Variants in ATXN2L observed in about 807,000 individuals in gnomAD.
ATXN2L encodes the protein ataxin-2-like protein.
Under a neutral mutation model 120.7 loss-of-function variants are expected in ATXN2L, and 24 were observed. That is an observed-to-expected ratio of 0.20 (90% CI 0.14 to 0.28). The LOEUF (loss-of-function observed/expected upper bound fraction) is 0.28. Ranked by LOEUF, ATXN2L falls within the 10% of genes least tolerant of loss-of-function variation. ATXN2L has a pLI of 1.00. For missense variants in ATXN2L, 1,312 were observed against 1,432.3 expected (o/e 0.92, Z 1.36); for synonymous variants, 653 against 568.1 (o/e 1.15, Z -2.13).
intron 1 of ATXN2L, chr16:28,824,598 AC>A (rs2051090528): frequency 1.6e-6 from 2 of 1,231,840 alleles, no homozygotes; most frequent in African/African-American, 3.1e-5. Context: ...TGGAGGGGAT[AC>A]CCCTCCTCCC....
chr16:28,824,124 C>T, intron 1 of ATXN2L: 1 of 1,022,194 alleles, frequency 9.8e-7, no homozygotes, highest in Non-Finnish European at 1.2e-6. Context: ...GGGCCGGGAG[C>T]CTCTGGCGCG....
chr16:28,831,553 C>T (rs1042904196), intron 10 of ATXN2L, among the ~76,000 whole-genome samples: 9 of 152,146 alleles, frequency 5.9e-5, no homozygotes, highest in African/African-American at 2.2e-4. Context: ...TGATCTCGAA[C>T]TCCTGACCTT....
intron 12 of ATXN2L, 49 bp downstream of exon 12, chr16:28,832,616 G>A (rs2054921286): frequency 6.3e-7 from 1 of 1,579,474 alleles, no homozygotes; most frequent in Non-Finnish European, 8.7e-7. Flanking sequence ...TTTGTCTGGG[G>A]GAGAGTATTT....
Position 28,824,377 on chromosome 16 carries a change from C to A in ATXN2L, c.299+819C>A. 3 of 1,247,374 alleles carry A rather than the reference C, an allele frequency of 2.4e-6. No homozygotes were observed. In the South Asian group the frequency reaches 4.0e-5, roughly 17 times the overall value. 77.3% of individuals were successfully genotyped at this position (1,247,374 alleles called of 1,614,324 possible). ...CTGGAGGTGGGGGTTCGGAAAGTCC[C>A]GTGGGTTTTAGTGCGCAGGCGCAGA... On this transcript the variant is annotated intron_variant, in intron 1 of 21. Transcript: ENST00000336783.
Position 28,826,368 on chromosome 16 carries a change from T to C in ATXN2L, c.594T>C (p.Val198=). 1.2e-6 allele frequency: 2 copies of C among 1,614,226 alleles called. No homozygotes were observed. The highest frequency in any genetic ancestry group is 1.7e-6 in the Non-Finnish European group (2 of 1,180,042). The change falls in exon 5 of 22, where the codon GTT becomes GTC. Residue 198 remains valine, a synonymous_variant. Transcript: ENST00000336783. ...SDVMLVHFRN[V]DFNYATKDKF... is the part of the protein sequence containing the mutation. ...TCATGCTTGTTCACTTCCGAAATGT[T>C]GACTTCAACTATGCTACTAAAGGTA...
At chr16:28,826,003 C>A in intron 4 of ATXN2L, 162 bp downstream of exon 4, 1 of 846,544 alleles carries the variant, frequency 1.2e-6, no homozygotes, top group Non-Finnish European at 1.8e-6. Context: ...AATTTGAGGG[C>A]TGGGTACTTT....
chr16:28,835,155 C>T lies in ATXN2L; in HGVS notation c.2531C>T (p.Ser844Phe). 6.2e-7 allele frequency: 1 copy of T among 1,613,604 alleles called. No homozygotes were observed. ...TCATCCTCTACCCCTCAGTACCCTTCTGCAGAGCAGCCTACCCCCCAAGCC... is the reference window on the plus strand; with the variant it reads ...TCATCCTCTACCCCTCAGTACCCTTTTGCAGAGCAGCCTACCCCCCAAGCC... ...IVSSSTPQYPSAEQPTPQALY... is the reference protein window; with the variant it reads ...IVSSSTPQYPFAEQPTPQALY... Residue 844 changes from serine (S) to phenylalanine (F), a missense_variant, in exon 19 of 22, where the codon TCT becomes TTT. Transcript: ENST00000336783.
At position 28,832,313 on chromosome 16, in the gene ATXN2L, C is replaced by T. The variant is rs2152071837; in HGVS notation, c.1430C>T (p.Ser477Phe). ...IGSAVPTSSA[S>F]IPVTSSVSDP... ...TCGGCAGTGCCAACCTCTTCAGCCT[C>T]CATCCCTGTGACCTCATCAGTCTCA... is the stretch of plus-strand genomic sequence containing the variant. Residue 477 changes from serine (S) to phenylalanine (F), a missense_variant, in exon 11 of 22, where the codon TCC becomes TTC. Physicochemically the swap from Ser to Phe is radical, Grantham distance 155. Coordinates refer to ENST00000336783, the MANE Select transcript of ATXN2L (RefSeq NM_007245.4). 1.9e-6 allele frequency: 3 copies of T among 1,614,206 alleles called. No individual in the cohort carries two copies. The South Asian group carries it at 3.3e-5, about 18-fold the overall frequency.
At chr16:28,833,647 T>A in intron 15 of ATXN2L, 139 bp downstream of exon 15, 2 of 937,752 alleles carry the variant, frequency 2.1e-6, no homozygotes, top group Non-Finnish European at 3.3e-6. Flanking sequence ...CATAAAAATG[T>A]AAGGATGGCA....
At chr16:28,834,018 G>A (rs1199235012) in intron 15 of ATXN2L, 47 bp from the exon 16 acceptor site, 5 of 1,595,682 alleles carry the variant, frequency 3.1e-6, no homozygotes, top group African/African-American at 2.7e-5. Context: ...ATGGCCAGGA[G>A]TAGAGGGGAA....
In ATXN2L at chr16:28,834,404, G is replaced by A. The variant is rs764401006; in HGVS notation, c.2234G>A (p.Arg745Gln). The change falls in exon 17 of 22, where the codon CGG (arginine) becomes CAG (glutamine). Residue 745 changes from arginine (R) to glutamine (Q), a missense_variant. Physicochemically the swap from Arg to Gln is conservative, Grantham distance 43. Coordinates refer to ENST00000336783, the MANE Select transcript of ATXN2L (RefSeq NM_007245.4). The part of the protein sequence containing the change: ...NSVPGQQGKY[R>Q]GAKGSLPPQR... ...GTGCCTGGGCAGCAGGGCAAGTACC[G>A]GGGAGCAAAAGGTGAGCAGGGCTGG... 9 of 1,614,068 alleles carry A rather than the reference G, an allele frequency of 5.6e-6. No homozygotes were observed. The highest frequency in any genetic ancestry group is 7.6e-6 in the Non-Finnish European group (9 of 1,179,946).
At chr16:28,823,632 C>T (rs996664775) in intron 1 of ATXN2L, 74 bp downstream of exon 1, 3 of 1,238,724 alleles carry the variant, frequency 2.4e-6, no homozygotes, top group African/African-American at 1.6e-5. Flanking sequence ...TGGGGCGGAC[C>T]CCGACCCGGC....
rs762190578 is a variant in ATXN2L, at chr16:28,824,129, G to GGC, written c.299+580_299+581dup. On this transcript the variant is annotated intron_variant, in intron 1 of 21. Coordinates refer to ENST00000336783, the MANE Select transcript of ATXN2L (RefSeq NM_007245.4). ...GGAGGACTGCGGGCCGGGAGCCTCT[G>GGC]GCGCGCGCGCCCCCTTCCCGTACGT... The GGC allele has an allele frequency of 6.0e-4, 616 of 1,023,330 alleles. 3 individuals carry two copies. The highest frequency in any genetic ancestry group is 5.4e-4 in the Non-Finnish European group (458 of 850,484). 63.4% of individuals were successfully genotyped at this position (1,023,330 alleles called of 1,614,324 possible).
At chr16:28,833,598 TC>T in intron 15 of ATXN2L, 90 bp downstream of exon 15, 2 of 1,315,662 alleles carry the variant, frequency 1.5e-6, no homozygotes, top group Non-Finnish European at 2.2e-6. Context: ...ACACTTCACT[TC>T]CAGGACCACT....
chr16:28,825,593 C>A (rs1349176807), intron 2 of ATXN2L, 31 bp from the exon 3 acceptor site: 1 of 1,607,336 alleles, frequency 6.2e-7, no homozygotes, highest in Non-Finnish European at 8.5e-7. Flanking sequence ...CTGATTACTC[C>A]TTTAATTCTC....
At chr16:28,823,911 T>G in intron 1 of ATXN2L, 1 of 247,002 alleles carries the variant, frequency 4.0e-6, no homozygotes, top group Non-Finnish European at 7.2e-6. Context: ...GGTCTCGCGG[T>G]CCCCGGCTTC....
chr16:28,836,449 C>A lies in ATXN2L; in HGVS notation c.*184C>A. The A allele has an allele frequency of 6.2e-7, 1 of 1,612,864 alleles. No individual in the cohort carries two copies. Among genetic ancestry groups the A allele is most frequent in the Non-Finnish European group, 8.5e-7 (1 of 1,179,640 alleles). The stretch of plus-strand genomic sequence containing the variant: ...GCCCCCCTCCCCACTGCCTCCCCAG[C>A]TCTCAGTGACCCCGACTGTCTCCTG... On this transcript the variant is annotated 3_prime_UTR_variant, in exon 22 of 22. Transcript: ENST00000336783.
At chr16:28,832,737 C>A in intron 12 of ATXN2L, 80 bp from the exon 13 acceptor site, 1 of 1,482,952 alleles carries the variant, frequency 6.7e-7, no homozygotes, top group Non-Finnish European at 9.3e-7. Flanking sequence ...GCTTTCTTGT[C>A]CTCTGTTCTT....
chr16:28,832,271 C>T lies in ATXN2L; in HGVS notation c.1388C>T (p.Pro463Leu). 1.2e-6 allele frequency: 2 copies of T among 1,614,196 alleles called. No individual in the cohort carries two copies. Among genetic ancestry groups the T allele is most frequent in the Non-Finnish European group, 1.7e-6 (2 of 1,180,036 alleles). The change falls in exon 11 of 22, where the codon CCA becomes CTA. Residue 463 changes from proline (P) to leucine (L), a missense_variant. Pro to Leu is a moderately conservative substitution (Grantham distance 98). Transcript: ENST00000336783. Reference protein sequence around the residue: ...AAPAPISASCPEPPIGSAVPT... With the variant: ...AAPAPISASCLEPPIGSAVPT... Reference sequence around the variant, plus strand: ...CCTGCCCCAATCTCAGCTTCCTGTCCAGAGCCTCCCATCGGCTCGGCAGTG... The same window carrying T: ...CCTGCCCCAATCTCAGCTTCCTGTCTAGAGCCTCCCATCGGCTCGGCAGTG...
Sources: allele counts gnomAD v4.1 joint callset (sites outside exome capture counted in the v4.1 genomes callset), GRCh38; gene constraint gnomAD v4.1.1; transcripts MANE v1.5; gene names NCBI Gene and HGNC (gene_info 2026-07-23, HGNC 2026-07-21).